Variants in CNOT10 observed in about 807,000 individuals in gnomAD.
CNOT10 encodes the protein CCR4-NOT transcription complex, subunit 10.
CNOT10 carries 30 observed loss-of-function variants against 94.6 expected under a neutral mutation model. That is an observed-to-expected ratio of 0.32 (90% CI 0.24 to 0.43). CNOT10 has a LOEUF of 0.43. Ranked by LOEUF, CNOT10 falls within the 20% of genes least tolerant of loss-of-function variation. CNOT10 has a pLI of 1.00. For synonymous variants in CNOT10, 289 were observed against 301.6 expected, an observed-to-expected ratio of 0.96 and a Z score of 0.43; for missense variants, 759 against 877.2, an observed-to-expected ratio of 0.87 and a Z score of 1.70.
At position 32,688,228 on chromosome 3, in the gene CNOT10, C is replaced by T. The variant is rs189075491; in HGVS notation, c.22+2746C>T. On this transcript the variant is annotated intron_variant, in intron 1 of 18. Coordinates refer to ENST00000328834, the MANE Select transcript of CNOT10 (RefSeq NM_015442.3). Reference sequence around the variant, plus strand: ...GCAGGAACAAAACAAAGTCTCTGTTCTGGAGCTTATTTACTATGAAGGACA... The same window carrying T: ...GCAGGAACAAAACAAAGTCTCTGTTTTGGAGCTTATTTACTATGAAGGACA... 3.2e-4 allele frequency among the ~76,000 whole-genome samples: 48 copies of T among 152,250 alleles called. No individual in the cohort carries two copies. The East Asian group carries it at 8.7e-3, about 28-fold the overall frequency.
chr3:32,726,870 G>A (rs1437218921), intron 9 of CNOT10, among the ~76,000 whole-genome samples: 2 of 105,900 alleles, frequency 1.9e-5, no homozygotes, highest in African/African-American at 7.2e-5. Context: ...TTCCTGAGAC[G>A]AAGTCTCACC....
intron 10 of CNOT10, among the ~76,000 whole-genome samples, chr3:32,729,794 A>T (rs1305489919): frequency 1.1e-5 from 1 of 95,130 alleles, no homozygotes; most frequent in Admixed American, 1.8e-4. Context: ...TTTGAGACGG[A>T]GTCTCGCCCT....
At chr3:32,755,876 G>A (rs545244215) in intron 13 of CNOT10, among the ~76,000 whole-genome samples, 3 of 151,898 alleles carry the variant, frequency 2.0e-5, no homozygotes, top group East Asian at 1.9e-4. Flanking sequence ...TCCTCCACAG[G>A]GGGGAAAAGC....
Position 32,759,591 on chromosome 3 carries a change from T to A in CNOT10, c.1709+20T>A. 6.4e-7 allele frequency: 1 copy of A among 1,552,074 alleles called. No homozygotes were observed. The highest frequency in any genetic ancestry group is 8.9e-7 in the Non-Finnish European group (1 of 1,124,818). On this transcript the variant is annotated intron_variant, in intron 14 of 18. Coordinates refer to ENST00000328834, the MANE Select transcript of CNOT10 (RefSeq NM_015442.3). Reference sequence around the variant, plus strand: ...TCTTAAGTAAGTGTGACTTGCCCTGTGTGTCCCTGGTTTCTTTAGTTTTGA... The same window carrying A: ...TCTTAAGTAAGTGTGACTTGCCCTGAGTGTCCCTGGTTTCTTTAGTTTTGA...
At chr3:32,763,918 G>C (rs1470457804) in intron 15 of CNOT10, among the ~76,000 whole-genome samples, 1 of 152,096 alleles carries the variant, frequency 6.6e-6, no homozygotes, top group Non-Finnish European at 1.5e-5. Flanking sequence ...ATCACCTAAG[G>C]TCAGGAGTTC....
chr3:32,724,412 ATTTTTTT>A (rs756450071), intron 8 of CNOT10, among the ~76,000 whole-genome samples: 1 of 108,162 alleles, frequency 9.2e-6, no homozygotes, highest in Non-Finnish European at 1.9e-5. Context: ...CGCCCGGCTA[ATTTTTTT>A]TTTTTTTTTT....
At chr3:32,757,270 T>A (rs1269523929) in intron 13 of CNOT10, among the ~76,000 whole-genome samples, 2 of 120,394 alleles carry the variant, frequency 1.7e-5, no homozygotes, top group South Asian at 3.0e-4. Flanking sequence ...ACCTCCACCT[T>A]CCAGGTTCAA....
rs549897468 is a variant in CNOT10, at chr3:32,751,887, A to G, written c.1596-7571A>G. ...CGTAGAAGGATCCTACCTGTGTGAC[A>G]TTTCCTTCACACTATCAGCAATTTG... On this transcript the variant is annotated intron_variant, in intron 13 of 18. Coordinates refer to ENST00000328834, the MANE Select transcript of CNOT10 (RefSeq NM_015442.3). Among the ~76,000 whole-genome samples, 17 of 152,270 alleles carry G rather than the reference A, an allele frequency of 1.1e-4. No individual in the cohort carries two copies. The South Asian group carries it at 3.5e-3, about 32-fold the overall frequency.
intron 14 of CNOT10, among the ~76,000 whole-genome samples, chr3:32,762,052 TGA>T (rs1347799528): frequency 5.3e-5 from 8 of 151,016 alleles, no homozygotes; most frequent in East Asian, 2.0e-4. Flanking sequence ...ATTACAGGCA[TGA>T]GCCACCATGC....
At chr3:32,749,404 AAT>A (rs1491137417) in intron 13 of CNOT10, among the ~76,000 whole-genome samples, 1 of 99,842 alleles carries the variant, frequency 1.0e-5, no homozygotes, top group African/African-American at 4.0e-5. Flanking sequence ...ATGTTGAGTT[AAT>A]TTTTTTTTTT....
chr3:32,742,013 T>A (rs1055297793), intron 13 of CNOT10, among the ~76,000 whole-genome samples: 1 of 152,020 alleles, frequency 6.6e-6, no homozygotes, highest in Non-Finnish European at 1.5e-5. Context: ...TGGAGTGCAA[T>A]GGCATGACCT....
chr3:32,687,459 T>TTTTGTTTGTTTG (rs1553627024), intron 1 of CNOT10, among the ~76,000 whole-genome samples: 1 of 110,120 alleles, frequency 9.1e-6, no homozygotes, highest in Non-Finnish European at 1.9e-5. Flanking sequence ...TTTGTTTTTT[T>TTTTGTTTGTTTG]TTTTTTTTTT....
intron 9 of CNOT10, among the ~76,000 whole-genome samples, chr3:32,725,846 A>G (rs1318699570): frequency 2.0e-5 from 3 of 152,226 alleles, no homozygotes; most frequent in African/African-American, 7.2e-5. Flanking sequence ...TGATTTGAAA[A>G]TGAGTAATTC....
chr3:32,764,001 G>C (rs1700555810), intron 15 of CNOT10: 1 of 155,908 alleles, frequency 6.4e-6, no homozygotes, highest in Non-Finnish European at 1.4e-5. Flanking sequence ...ATGGTGGTAT[G>C]CCCCTGTAAT....
intron 1 of CNOT10, among the ~76,000 whole-genome samples, chr3:32,689,941 C>A (rs534862112): frequency 1.3e-5 from 2 of 152,038 alleles, no homozygotes; most frequent in African/African-American, 4.8e-5. Flanking sequence ...GGTGACAGTG[C>A]GACCCTGTCT....
intron 1 of CNOT10, 95 bp from the exon 2 acceptor site, chr3:32,703,773 T>A: frequency 2.6e-6 from 2 of 779,684 alleles, no homozygotes; most frequent in Non-Finnish European, 4.3e-6. Context: ...ATACTTGACC[T>A]TGGGTAACTG....
At chr3:32,763,509 G>T (rs531032433) in intron 15 of CNOT10, among the ~76,000 whole-genome samples, 3 of 152,014 alleles carry the variant, frequency 2.0e-5, no homozygotes, top group African/African-American at 7.2e-5. Flanking sequence ...AATTAGTAGG[G>T]CGTGGTGGTG....
At chr3:32,752,322 C>T (rs1330880312) in intron 13 of CNOT10, among the ~76,000 whole-genome samples, 1 of 152,106 alleles carries the variant, frequency 6.6e-6, no homozygotes, top group Non-Finnish European at 1.5e-5. Flanking sequence ...TGGTCTGCCA[C>T]TCTGTGGAAA....
At chr3:32,710,978 A>G (rs1187495654) in intron 4 of CNOT10, among the ~76,000 whole-genome samples, 1 of 152,130 alleles carries the variant, frequency 6.6e-6, no homozygotes, top group African/African-American at 2.4e-5. Context: ...TTGGCTTCCC[A>G]ATGTGCTGGG....
Sources: gnomAD v4.1 joint callset for allele counts (sites outside exome capture counted in the v4.1 genomes callset) on GRCh38, gnomAD v4.1.1 for gene constraint, MANE v1.5 for transcripts, NCBI Gene and HGNC (gene_info 2026-07-23, HGNC 2026-07-21) for gene names.